Variants in SACS observed in about 807,000 individuals in gnomAD.
The protein encoded by SACS is sacsin molecular chaperone.
A neutral mutation model predicts 348.0 loss-of-function variants in SACS; 197 were observed. The ratio of observed to expected loss-of-function variants is 0.57; its 90% confidence interval spans 0.50 to 0.64. The LOEUF is 0.64. Among genes scored for constraint, SACS ranks in the 30% least tolerant of loss-of-function variants. SACS has a pLI of 0.00. For missense variants in SACS, 4,999 were observed against 5,360.8 expected, an observed-to-expected ratio of 0.93 and a Z score of 2.11; for synonymous variants, 1,985 against 1,910.6, an observed-to-expected ratio of 1.04 and a Z score of -1.02.
chr13:23,381,355 G>GCACACACACACACACACACA (rs71100174), intron 2 of SACS, among the ~76,000 whole-genome samples: 8 of 140,072 alleles, frequency 5.7e-5, no homozygotes, highest in South Asian at 4.9e-4. Context: ...GCAGCACGAA[G>GCACACACACACACACACACA]CACACACACA....
chr13:23,429,345 A>ATTTTTTTTTTTTTTTTTTTTTTT (rs536939164), intron 1 of SACS, among the ~76,000 whole-genome samples: 2 of 51,466 alleles, frequency 3.9e-5, no homozygotes, highest in Non-Finnish European at 6.9e-5. Flanking sequence ...TGAGGTAGGG[A>ATTTTTTTTTTTTTTTTTTTTTTT]TTTTTTTTTT....
chr13:23,402,691 C>T (rs1004192048), intron 2 of SACS, among the ~76,000 whole-genome samples: 15 of 152,064 alleles, frequency 9.9e-5, no homozygotes, highest in Non-Finnish European at 1.2e-4. Context: ...CTTACAAAGC[C>T]CTCTCGGGAA....
chr13:23,368,572 T>C, intron 4 of SACS, 85 bp from the exon 5 acceptor site: 1 of 924,108 alleles, frequency 1.1e-6, no homozygotes, highest in Non-Finnish European at 1.7e-6. Context: ...TGAGACATCA[T>C]ATAACTATAC....
At chr13:23,371,211 A>AG in intron 3 of SACS, 46 bp from the exon 4 acceptor site, 2 of 1,142,172 alleles carry the variant, frequency 1.8e-6, no homozygotes, top group Non-Finnish European at 2.5e-6. Flanking sequence ...TACAGTCTCT[A>AG]ATACTGTAAA....
In SACS at chr13:23,336,653, T is replaced by C. The variant is rs146509108; in HGVS notation, c.7223A>G (p.Asp2408Gly). Residue 2408 changes from aspartate (D) to glycine (G), a missense_variant, in exon 10 of 10, where the codon GAT becomes GGT. Asp to Gly is a moderately conservative substitution (Grantham distance 94). Transcript: ENST00000382292. Reference protein sequence around the residue: ...EDFALVLESIDQERGTKQITE... With the variant: ...EDFALVLESIGQERGTKQITE... ...TATTTGCTTTGTTCCTCTTTCTTGA[T>C]CAATAGATTCCAAAACAAGAGCAAA... 1.9e-5 allele frequency: 30 copies of C among 1,613,870 alleles called. No individual in the cohort carries two copies. The East Asian group carries it at 6.5e-4, about 35-fold the overall frequency.
Position 23,337,901 on chromosome 13 carries a change from C to T in SACS, c.5975G>A (p.Arg1992Lys), listed in dbSNP as rs758101602. 17 of 1,613,790 alleles carry T rather than the reference C, an allele frequency of 1.1e-5. No individual in the cohort carries two copies. The highest frequency in any genetic ancestry group is 6.6e-5 in the South Asian group (6 of 91,080). The change falls in exon 10 of 10, where the codon AGA becomes AAA. Residue 1992 changes from arginine to lysine, a missense_variant. By Grantham distance (26) the Arg-to-Lys change is conservative (BLOSUM62 2). Transcript: ENST00000382292. ...TTTAAGTATAGAGTCATCTAGAAAT[C>T]TTACGTTCTTCATGGAAACCCAAGT... Reference protein sequence around the residue: ...GSTWVSMKNVRFLDDSILKRR... With the variant: ...GSTWVSMKNVKFLDDSILKRR...
chr13:23,380,120 C>CGTGTGTGTGTGTGTG (rs1491572643), intron 2 of SACS, among the ~76,000 whole-genome samples: 16 of 86,176 alleles, frequency 1.9e-4, no homozygotes, highest in African/African-American at 6.6e-4. Flanking sequence ...CTGGGATTCC[C>CGTGTGTGTGTGTGTG]TCGTGTGTGT....
chr13:23,399,231 C>G (rs1338825863), intron 2 of SACS, among the ~76,000 whole-genome samples: 1 of 152,118 alleles, frequency 6.6e-6, no homozygotes, highest in Non-Finnish European at 1.5e-5. Flanking sequence ...TCCTCCCTGT[C>G]AGATACAGTA....
At position 23,333,553 on chromosome 13, in the gene SACS, C is replaced by T; in HGVS notation, c.10323G>A (p.Val3441=). Residue 3441 remains valine (V), a synonymous_variant, in exon 10 of 10, where the codon GTG becomes GTA. Transcript: ENST00000382292. ...VLTKSIPSAE[V]EKWTQSSSSA... ...ATGATGATGACTGTGTCCATTTCTC[C>T]ACTTCAGCTGAAGGGATACTTTTTG... 1 of 1,613,520 alleles carries T rather than the reference C, an allele frequency of 6.2e-7. No individual in the cohort carries two copies. The highest frequency in any genetic ancestry group is 8.5e-7 in the Non-Finnish European group (1 of 1,179,660).
chr13:23,354,217 T>C (rs564969444), intron 8 of SACS, among the ~76,000 whole-genome samples: 1 of 152,362 alleles, frequency 6.6e-6, no homozygotes, highest in East Asian at 1.9e-4. Flanking sequence ...AATTCATTAG[T>C]GACTAATCTG....
intron 2 of SACS, among the ~76,000 whole-genome samples, chr13:23,383,349 C>T (rs2182497): frequency 0.084 from 12,827 of 152,130 alleles, 702 homozygotes; most frequent in East Asian, 0.13. Context: ...TTCTCACTGC[C>T]CCACATCCTT....
intron 1 of SACS, among the ~76,000 whole-genome samples, chr13:23,424,394 G>A (rs751714490): frequency 7.2e-5 from 11 of 152,076 alleles, no homozygotes; most frequent in South Asian, 2.1e-4. Flanking sequence ...GCATGGTGGC[G>A]CATGCCTGTA....
At chr13:23,428,821 A>G (rs898638425) in intron 1 of SACS, 1 of 152,180 alleles carries the variant, frequency 6.6e-6, no homozygotes, top group Non-Finnish European at 1.5e-5. Flanking sequence ...TGACTCTCCT[A>G]CTTAGGTTTA....
chr13:23,334,848 C>T lies in SACS; in HGVS notation c.9028G>A (p.Val3010Ile). 6.2e-7 allele frequency: 1 copy of T among 1,613,858 alleles called. No individual in the cohort carries two copies. The highest frequency in any genetic ancestry group is 1.1e-5 in the South Asian group (1 of 91,076). ...GACATATTGATCCAAGTAATTATAA[C>T]TGCAGAGTGCAAGTCAGAGCCATCA... Reference protein sequence around the residue: ...NIDGSDLHSAVIITWINMSTS... With the variant: ...NIDGSDLHSAIIITWINMSTS... The change falls in exon 10 of 10, where the codon GTT becomes ATT. Residue 3010 changes from valine (V) to isoleucine (I), a missense_variant. Val to Ile is a conservative substitution (Grantham distance 29, BLOSUM62 3). Transcript: ENST00000382292.
Position 23,333,880 on chromosome 13 carries a change from A to G in SACS, c.9996T>C (p.Leu3332=), listed in dbSNP as rs1484198071. ...HALMKAGCIQ[L]ALNKICSKDS... is the part of the protein sequence containing the mutation. Reference sequence around the variant, plus strand: ...CTTTGGAACAGATTTTGTTCAAAGCAAGCTGAATACAGCCAGCTTTCATTA... The same window carrying G: ...CTTTGGAACAGATTTTGTTCAAAGCGAGCTGAATACAGCCAGCTTTCATTA... Residue 3332 remains leucine, a synonymous_variant, in exon 10 of 10, where the codon CTT becomes CTC. Coordinates refer to ENST00000382292, the MANE Select transcript of SACS (RefSeq NM_014363.6). 2 of 1,613,754 alleles carry G rather than the reference A, an allele frequency of 1.2e-6. No homozygotes were observed. Among genetic ancestry groups the G allele is most frequent in the Non-Finnish European group, 1.7e-6 (2 of 1,179,840 alleles).
intron 1 of SACS, among the ~76,000 whole-genome samples, chr13:23,429,808 G>A (rs1874362591): frequency 6.6e-6 from 1 of 152,138 alleles, no homozygotes; most frequent in South Asian, 2.1e-4. Context: ...AAAATCTTGG[G>A]TACTTTTTAT....
intron 9 of SACS, among the ~76,000 whole-genome samples, chr13:23,349,745 T>C (rs531813826): frequency 2.0e-5 from 3 of 152,286 alleles, no homozygotes; most frequent in Non-Finnish European, 2.9e-5. Flanking sequence ...CTTAGAAGGA[T>C]AGTACTGTAT....
chr13:23,374,290 T>G (rs973341813), intron 3 of SACS, among the ~76,000 whole-genome samples: 1 of 152,182 alleles, frequency 6.6e-6, no homozygotes, highest in Non-Finnish European at 1.5e-5. Flanking sequence ...AGGATTACAC[T>G]GAAGCAGGAA....
In SACS at chr13:23,338,459, T is replaced by C. The variant is rs771519272; in HGVS notation, c.5417A>G (p.Asp1806Gly). 1 of 1,614,146 alleles carries C rather than the reference T, an allele frequency of 6.2e-7. No homozygotes were observed. Among genetic ancestry groups the C allele is most frequent in the Admixed American group, 1.7e-5 (1 of 60,030 alleles). Residue 1806 changes from aspartate to glycine, a missense_variant, in exon 10 of 10, where the codon GAT (aspartate) becomes GGT (glycine). Transcript: ENST00000382292. ...CTCTACTGTTTTCTGTGACAACTCATCTGATGGCTTTTTTGATTGGCCAGA... is the reference window on the plus strand; with the variant it reads ...CTCTACTGTTTTCTGTGACAACTCACCTGATGGCTTTTTTGATTGGCCAGA... ...AKSGQSKKPS[D>G]ELSQKTVECT...
Sources: allele counts gnomAD v4.1 joint callset (sites outside exome capture counted in the v4.1 genomes callset), GRCh38; gene constraint gnomAD v4.1.1; transcripts MANE v1.5; gene names NCBI Gene and HGNC (gene_info 2026-07-23, HGNC 2026-07-21).